The following HS6ST2 variants were observed in gnomAD, a reference collection of about 807,000 sequenced individuals.
HS6ST2 encodes the protein heparan sulfate 6-O-sulfotransferase 2.
Under a neutral mutation model 33.0 loss-of-function variants are expected in HS6ST2, and 17 were observed. That is an observed-to-expected ratio of 0.52 (90% CI 0.35 to 0.77). HS6ST2 has a LOEUF of 0.77. Ranked by LOEUF, HS6ST2 falls within the 30% of genes least tolerant of loss-of-function variation. The pLI, the probability that HS6ST2 is intolerant of heterozygous loss-of-function variation, is 0.01. For synonymous variants in HS6ST2, 248 were observed against 237.1 expected, an observed-to-expected ratio of 1.05 and a Z score of -0.42; for missense variants, 519 against 551.7, an observed-to-expected ratio of 0.94 and a Z score of 0.59.
At chrX:132,662,190 T>C (rs895833184) in intron 4 of HS6ST2, among the ~76,000 whole-genome samples, 2 of 109,239 alleles carry the variant, frequency 1.8e-5, no homozygotes, top group Admixed American at 2.0e-4. Flanking sequence ...GAAAGCTCAG[T>C]TGAGAGCCAG....
intron 2 of HS6ST2, among the ~76,000 whole-genome samples, chrX:132,947,368 T>C (rs1282371274): frequency 1.8e-5 from 2 of 110,939 alleles, no homozygotes; most frequent in Non-Finnish European, 3.8e-5. Flanking sequence ...TCATTTTACC[T>C]ATCAATTTCT....
chrX:132,701,620 C>T (rs1263965895), intron 3 of HS6ST2, among the ~76,000 whole-genome samples: 1 of 111,985 alleles, frequency 8.9e-6, no homozygotes, highest in African/African-American at 3.3e-5. Context: ...CCCATCTTCT[C>T]CCACAGAGCT....
intron 2 of HS6ST2, among the ~76,000 whole-genome samples, chrX:132,720,186 A>G (rs1321985420): frequency 8.9e-6 from 1 of 112,467 alleles, no homozygotes; most frequent in African/African-American, 3.2e-5. Flanking sequence ...AGAATTCAGA[A>G]CTGCTTATTT....
chrX:132,788,790 A>G (rs2065090064), intron 2 of HS6ST2, among the ~76,000 whole-genome samples: 1 of 112,877 alleles, frequency 8.9e-6, no homozygotes, highest in Non-Finnish European at 1.9e-5. Context: ...GATATGGAGA[A>G]CATTTTAGTG....
chrX:132,809,994 A>T (rs1043561964), intron 2 of HS6ST2, among the ~76,000 whole-genome samples: 2 of 111,992 alleles, frequency 1.8e-5, no homozygotes, highest in African/African-American at 6.5e-5. Flanking sequence ...GAGAAGAATA[A>T]GTGCTCCCTT....
intron 4 of HS6ST2, among the ~76,000 whole-genome samples, chrX:132,643,113 A>G (rs2063613830): frequency 8.9e-6 from 1 of 112,761 alleles, no homozygotes; most frequent in Non-Finnish European, 1.9e-5. Flanking sequence ...ATGTGAAATT[A>G]GACAGCTATG....
chrX:132,930,312 C>A (rs1388124408), intron 2 of HS6ST2, among the ~76,000 whole-genome samples: 6 of 110,918 alleles, frequency 5.4e-5, no homozygotes, highest in Non-Finnish European at 1.1e-4. Context: ...CAGACATGTG[C>A]CACCAAGCCT....
intron 3 of HS6ST2, among the ~76,000 whole-genome samples, chrX:132,688,926 C>A (rs866295979): frequency 8.9e-6 from 1 of 112,346 alleles, no homozygotes; most frequent in Non-Finnish European, 1.9e-5. Flanking sequence ...ACTGCCTTAA[C>A]TGTATGGGCT....
At chrX:132,823,182 C>A (rs1338108898) in intron 2 of HS6ST2, among the ~76,000 whole-genome samples, 1 of 112,387 alleles carries the variant, frequency 8.9e-6, no homozygotes, top group Non-Finnish European at 1.9e-5. Flanking sequence ...ATGGAGTCCT[C>A]TTTATGCACA....
At position 132,815,867 on chromosome X, in the gene HS6ST2, A is replaced by G. The variant is rs151148299; in HGVS notation, c.948-107373T>C. On this transcript the variant is annotated intron_variant, in intron 2 of 4. Transcript: ENST00000370833. The stretch of plus-strand genomic sequence containing the variant: ...AGGGGGATGGGAAAGTGATGGCTAA[A>G]GGATGCAGGGTTTCTTTCTAGAGTG... 9.3e-3 allele frequency among the ~76,000 whole-genome samples: 1,034 copies of G among 111,581 alleles called. 14 individuals carry two copies. The highest frequency in any genetic ancestry group is 0.032 in the African/African-American group (984 of 30,677).
At chrX:132,861,680 C>A (rs2065912675) in intron 2 of HS6ST2, among the ~76,000 whole-genome samples, 1 of 112,233 alleles carries the variant, frequency 8.9e-6, no homozygotes, top group Admixed American at 9.4e-5. Flanking sequence ...CAACTATTCC[C>A]CATAAGCTCA....
intron 3 of HS6ST2, among the ~76,000 whole-genome samples, chrX:132,698,701 T>G (rs2064120966): frequency 9.0e-6 from 1 of 111,579 alleles, no homozygotes; most frequent in African/African-American, 3.3e-5. Context: ...AAGGATAAGT[T>G]TGCCCCACAA....
Position 132,628,570 on chromosome X carries a change from C to A in HS6ST2, c.1591G>T (p.Ala531Ser). 8.3e-7 allele frequency: 1 copy of A among 1,211,294 alleles called. No homozygotes were observed. The highest frequency in any genetic ancestry group is 1.1e-6 in the Non-Finnish European group (1 of 895,309). ...NFLDMELYSY[A>S]KDLFLQRYQF... ...TACCTCTGCAAAAAAAGGTCTTTGG[C>A]ATAGCTGTACAACTCCATATCCAGA... Residue 531 changes from alanine (A) to serine (S), a missense_variant, in exon 5 of 5, where the codon GCC (alanine) becomes TCC (serine). Physicochemically the swap from Ala to Ser is moderately conservative, Grantham distance 99. Transcript: ENST00000370833.
intron 2 of HS6ST2, among the ~76,000 whole-genome samples, chrX:132,807,449 T>A (rs777674258): frequency 2.4e-4 from 25 of 102,973 alleles, no homozygotes; most frequent in Non-Finnish European, 4.6e-4. Context: ...ATAAAGGGGG[T>A]CCAATGAGTA....
At chrX:132,711,321 A>G (rs1037460453) in intron 2 of HS6ST2, among the ~76,000 whole-genome samples, 16 of 111,356 alleles carry the variant, frequency 1.4e-4, no homozygotes, top group African/African-American at 4.9e-4. Flanking sequence ...GGCTTGAGAA[A>G]TGAAAGTGAA....
intron 2 of HS6ST2, among the ~76,000 whole-genome samples, chrX:132,798,577 C>T (rs2065207559): frequency 8.9e-6 from 1 of 111,757 alleles, no homozygotes; most frequent in African/African-American, 3.3e-5. Flanking sequence ...AAAAAAAGTC[C>T]CCTGAAGCAT....
chrX:132,943,829 C>G (rs1301356598), intron 2 of HS6ST2, among the ~76,000 whole-genome samples: 2 of 111,714 alleles, frequency 1.8e-5, no homozygotes, highest in African/African-American at 6.5e-5. Flanking sequence ...TAAAAACTCT[C>G]AATAAATTAG....
intron 3 of HS6ST2, among the ~76,000 whole-genome samples, chrX:132,685,047 A>T (rs1263467851): frequency 8.9e-6 from 1 of 111,836 alleles, no homozygotes; most frequent in Admixed American, 9.5e-5. Flanking sequence ...CGAGGAGCAC[A>T]GTAAAGAAGT....
At chrX:132,883,206 C>A (rs1180926159) in intron 2 of HS6ST2, among the ~76,000 whole-genome samples, 2 of 111,324 alleles carry the variant, frequency 1.8e-5, no homozygotes, top group African/African-American at 6.5e-5. Context: ...AGGAATGGTA[C>A]CAGCTCCTCC....
Sources: gnomAD v4.1 joint callset for allele counts (sites outside exome capture counted in the v4.1 genomes callset) on GRCh38, gnomAD v4.1.1 for gene constraint, MANE v1.5 for transcripts, NCBI Gene and HGNC (gene_info 2026-07-23, HGNC 2026-07-21) for gene names.